Variants in TEX2 observed in about 807,000 individuals in gnomAD.
TEX2 encodes the protein testis expressed 2.
TEX2 carries 53 observed loss-of-function variants against 106.9 expected under a neutral mutation model. That is an observed-to-expected ratio of 0.50 (90% confidence interval 0.40 to 0.62). The LOEUF (loss-of-function observed/expected upper bound fraction) is 0.62, where lower values mean the gene tolerates loss of function less well. TEX2 is among the 20% of genes least tolerant of loss of function. The pLI is 0.00. For synonymous variants in TEX2, 523 were observed against 534.8 expected (o/e 0.98, Z 0.30); for missense variants, 1,207 against 1,379.0 (o/e 0.88, Z 1.98).
At chr17:64,240,233 A>ATGTGTGTGTGTGTGTGTGTGTGTGTG in intron 1 of TEX2, among the ~76,000 whole-genome samples, 1 of 147,416 alleles carries the variant, frequency 6.8e-6, no homozygotes, top group African/African-American at 2.5e-5. Context: ...GTATATGCAG[A>ATGTGTGTGTGTGTGTGTGTGTGTGTG]TGTGTGTGTG....
chr17:64,231,301 C>CTGATGTTTGTACACCACTGAG (rs551871682), intron 1 of TEX2, among the ~76,000 whole-genome samples: 4,884 of 152,246 alleles, frequency 0.032, 265 homozygotes, highest in African/African-American at 0.11. Flanking sequence ...AAACATCACC[C>CTGATGTTTGTACACCACTGAG]AAGCACCACT....
intron 4 of TEX2, among the ~76,000 whole-genome samples, chr17:64,191,380 G>T (rs1401404042): frequency 6.6e-6 from 1 of 152,176 alleles, no homozygotes; most frequent in Non-Finnish European, 1.5e-5. Context: ...ACCTAAGGTG[G>T]TGTTTCCTGG....
intron 5 of TEX2, among the ~76,000 whole-genome samples, chr17:64,179,951 C>T (rs4968699): frequency 0.53 from 79,851 of 152,018 alleles, 22,814 homozygotes; most frequent in East Asian, 0.82. Context: ...GGGCAAGAGT[C>T]TGCAGCGGTG....
intron 2 of TEX2, among the ~76,000 whole-genome samples, chr17:64,209,291 T>G (rs1348900792): frequency 1.3e-5 from 2 of 152,244 alleles, no homozygotes; most frequent in African/African-American, 4.8e-5. Flanking sequence ...GCATTTGAAA[T>G]TAGCTTGTAA....
chr17:64,230,801 C>T (rs1188146812), intron 1 of TEX2: 1 of 152,208 alleles, frequency 6.6e-6, no homozygotes, highest in African/African-American at 2.4e-5. Flanking sequence ...GAGTCTATGA[C>T]TCAATTTCCA....
intron 1 of TEX2, among the ~76,000 whole-genome samples, chr17:64,256,645 A>G (rs879983900): frequency 6.6e-6 from 1 of 152,130 alleles, no homozygotes; most frequent in Non-Finnish European, 1.5e-5. Context: ...TATGATGCAT[A>G]TGTCTATTGA....
intron 1 of TEX2, among the ~76,000 whole-genome samples, chr17:64,250,508 G>A (rs1231771587): frequency 1.3e-5 from 2 of 152,176 alleles, no homozygotes; most frequent in East Asian, 3.8e-4. Flanking sequence ...CAGCAAGGTA[G>A]GGTTAGAGTT....
At chr17:64,258,800 C>T (rs2143528097) in intron 1 of TEX2, among the ~76,000 whole-genome samples, 1 of 151,812 alleles carries the variant, frequency 6.6e-6, no homozygotes, top group East Asian at 1.9e-4. Flanking sequence ...CACTCTGTCA[C>T]CCAGGCTGGA....
chr17:64,184,912 A>G (rs189551990), intron 5 of TEX2, among the ~76,000 whole-genome samples: 1 of 152,328 alleles, frequency 6.6e-6, no homozygotes, highest in East Asian at 1.9e-4. Flanking sequence ...TAAATTGGAT[A>G]TATAGCTTCA....
intron 5 of TEX2, among the ~76,000 whole-genome samples, chr17:64,179,045 C>G (rs1427321177): frequency 6.6e-6 from 1 of 152,226 alleles, no homozygotes; most frequent in Non-Finnish European, 1.5e-5. Flanking sequence ...CCTGAGCCAG[C>G]ACACTGCTCA....
intron 4 of TEX2, among the ~76,000 whole-genome samples, chr17:64,192,088 A>C (rs1007061799): frequency 5.9e-5 from 9 of 152,196 alleles, no homozygotes; most frequent in East Asian, 1.9e-4. Context: ...CTACCGTAAG[A>C]AGCAGCACAG....
At chr17:64,216,727 G>A (rs1462432558) in intron 1 of TEX2, among the ~76,000 whole-genome samples, 3 of 152,326 alleles carry the variant, frequency 2.0e-5, no homozygotes, top group African/African-American at 4.8e-5. Context: ...ACCTGCTCAG[G>A]AAGCAGAGTT....
intron 7 of TEX2, among the ~76,000 whole-genome samples, chr17:64,168,726 T>C (rs938812406): frequency 6.6e-6 from 1 of 152,308 alleles, no homozygotes; most frequent in East Asian, 1.9e-4. Flanking sequence ...TTAGTTTCTT[T>C]AAGCCTCACA....
intron 1 of TEX2, among the ~76,000 whole-genome samples, chr17:64,257,469 A>T (rs2034204947): frequency 6.6e-6 from 1 of 152,254 alleles, no homozygotes; most frequent in South Asian, 2.1e-4. Context: ...TTCTGAAAAT[A>T]TCAAATGGAA....
intron 2 of TEX2, among the ~76,000 whole-genome samples, chr17:64,199,339 C>A (rs1293959869): frequency 6.6e-6 from 1 of 152,104 alleles, no homozygotes; most frequent in Non-Finnish European, 1.5e-5. Flanking sequence ...TGGGTTCAAG[C>A]AATTCTCCTG....
chr17:64,252,148 G>A (rs1240005653), intron 1 of TEX2, among the ~76,000 whole-genome samples: 2 of 152,108 alleles, frequency 1.3e-5, no homozygotes, highest in African/African-American at 2.4e-5. Context: ...AACATGATGG[G>A]CAAATGCCTT....
intron 7 of TEX2, among the ~76,000 whole-genome samples, chr17:64,168,447 A>G (rs2031241199): frequency 6.6e-6 from 1 of 152,214 alleles, no homozygotes; most frequent in South Asian, 2.1e-4. Flanking sequence ...TGGATTAAAA[A>G]CTGGCAAAGC....
intron 7 of TEX2, among the ~76,000 whole-genome samples, chr17:64,170,622 C>CATTTT (rs1555625780): frequency 1.4e-5 from 1 of 73,742 alleles, no homozygotes; most frequent in African/African-American, 5.6e-5. Flanking sequence ...TATTCCAAAT[C>CATTTT]TTTTTTTTTT....
At chr17:64,189,733 G>T (rs1388879142) in intron 4 of TEX2, among the ~76,000 whole-genome samples, 1 of 152,098 alleles carries the variant, frequency 6.6e-6, no homozygotes, top group East Asian at 1.9e-4. Context: ...TATAATCTCG[G>T]CACTTTGGGA....
Sources: gnomAD v4.1 joint callset for allele counts (sites outside exome capture counted in the v4.1 genomes callset) on GRCh38, gnomAD v4.1.1 for gene constraint, MANE v1.5 for transcripts, NCBI Gene and HGNC (gene_info 2026-07-23, HGNC 2026-07-21) for gene names.